SUCLG2: variants seen among roughly 807,000 people sequenced by gnomAD.
SUCLG2 encodes the protein succinate-CoA ligase GDP-forming subunit beta.
Under a neutral mutation model 47.9 loss-of-function variants are expected in SUCLG2, and 42 were observed. The observed-to-expected ratio is 0.88, with a 90% CI of 0.69 to 1.14. SUCLG2 has a LOEUF of 1.14. SUCLG2 is among the 50% of genes most tolerant of loss of function. The pLI is 0.00. For missense variants in SUCLG2, 571 were observed against 525.9 expected (o/e 1.09, Z -0.84); for synonymous variants, 195 against 197.3 (o/e 0.99, Z 0.10).
chr3:67,392,347 T>C (rs975643779), intron 10 of SUCLG2, among the ~76,000 whole-genome samples: 3 of 152,222 alleles, frequency 2.0e-5, no homozygotes, highest in African/African-American at 7.2e-5. Context: ...ATTGAGGGAA[T>C]CCCATGCTGC....
intron 1 of SUCLG2, among the ~76,000 whole-genome samples, chr3:67,627,272 T>C (rs1049276491): frequency 8.5e-5 from 13 of 152,178 alleles, no homozygotes; most frequent in African/African-American, 2.7e-4. Context: ...TTAAATCCCA[T>C]GGAATTAGTT....
chr3:67,650,865 A>G (rs907679889), intron 1 of SUCLG2, among the ~76,000 whole-genome samples: 1 of 152,196 alleles, frequency 6.6e-6, no homozygotes, highest in Non-Finnish European at 1.5e-5. Flanking sequence ...AGAGACAACA[A>G]AACTGTGCTT....
chr3:67,637,003 C>T (rs1182596579), intron 1 of SUCLG2, among the ~76,000 whole-genome samples: 1 of 151,916 alleles, frequency 6.6e-6, no homozygotes, highest in Non-Finnish European at 1.5e-5. Flanking sequence ...CATCAATAAT[C>T]ACTCAGAACA....
chr3:67,616,994 T>C (rs1210712935), intron 1 of SUCLG2, among the ~76,000 whole-genome samples: 1 of 152,218 alleles, frequency 6.6e-6, no homozygotes. Context: ...AGTCAAAAGT[T>C]AGTATGTGTT....
chr3:67,538,978 T>A (rs1706624374), intron 2 of SUCLG2, among the ~76,000 whole-genome samples: 1 of 152,244 alleles, frequency 6.6e-6, no homozygotes, highest in Non-Finnish European at 1.5e-5. Flanking sequence ...TGGGGTTTTC[T>A]AAATATACAA....
At chr3:67,579,665 G>A (rs747089873) in intron 2 of SUCLG2, among the ~76,000 whole-genome samples, 12 of 152,144 alleles carry the variant, frequency 7.9e-5, no homozygotes, top group Non-Finnish European at 1.8e-4. Context: ...GGGCACTAAC[G>A]TCCTTCAGTG....
chr3:67,426,479 A>C (rs747669645), intron 9 of SUCLG2, among the ~76,000 whole-genome samples: 4 of 152,246 alleles, frequency 2.6e-5, no homozygotes, highest in Non-Finnish European at 5.9e-5. Context: ...GCAATATTTA[A>C]GGAAAAGTAT....
At chr3:67,605,346 ATCTC>A (rs1307703038) in intron 2 of SUCLG2, among the ~76,000 whole-genome samples, 19 of 152,308 alleles carry the variant, frequency 1.2e-4, no homozygotes, top group Non-Finnish European at 2.2e-4. Context: ...TCTCCAGGTA[ATCTC>A]AGTGATGTGC....
rs535320948 is a variant in SUCLG2 at position 67,471,248 on chromosome 3, C to T, written c.1062+24550G>A. 5.3e-5 allele frequency among the ~76,000 whole-genome samples: 8 copies of T among 152,202 alleles called. No homozygotes were observed. The South Asian group carries it at 1.2e-3, about 24-fold the overall frequency. ...CCCTGGGAAGTCTGAAGGCTTCAGCCGTGATTATGAGGCTGCCACACAAGG... is the reference window on the plus strand; with the variant it reads ...CCCTGGGAAGTCTGAAGGCTTCAGCTGTGATTATGAGGCTGCCACACAAGG... On this transcript the variant is annotated intron_variant, in intron 9 of 10. Transcript: ENST00000307227.
chr3:67,596,413 G>GA (rs893389361), intron 2 of SUCLG2, among the ~76,000 whole-genome samples: 1 of 152,122 alleles, frequency 6.6e-6, no homozygotes, highest in East Asian at 1.9e-4. Context: ...TTCTGGGTCA[G>GA]AAAAAAACTC....
intron 9 of SUCLG2, among the ~76,000 whole-genome samples, chr3:67,488,868 T>C (rs1705132494): frequency 6.6e-6 from 1 of 152,306 alleles, no homozygotes; most frequent in South Asian, 2.1e-4. Context: ...CACAGAGGAC[T>C]CGTAATCAAT....
chr3:67,458,476 A>G (rs1459686761), intron 9 of SUCLG2, among the ~76,000 whole-genome samples: 2 of 152,180 alleles, frequency 1.3e-5, no homozygotes, highest in East Asian at 1.9e-4. Flanking sequence ...TCCATTTCTC[A>G]TCTGAGGGTG....
chr3:67,463,799 G>T (rs1351965648), intron 9 of SUCLG2, among the ~76,000 whole-genome samples: 1 of 152,166 alleles, frequency 6.6e-6, no homozygotes, highest in African/African-American at 2.4e-5. Context: ...GGGCCGTCTT[G>T]AAATAAAGAG....
intron 2 of SUCLG2, among the ~76,000 whole-genome samples, chr3:67,580,026 AT>A (rs1420907827): frequency 1.1e-4 from 17 of 152,204 alleles, no homozygotes; most frequent in African/African-American, 4.1e-4. Context: ...ATGAGAAACC[AT>A]CAAATTAGAA....
rs759824804 is a variant in SUCLG2, at chr3:67,529,101, A to T, written c.312T>A (p.Val104=). 1 of 1,611,864 alleles carries T rather than the reference A, an allele frequency of 6.2e-7. No homozygotes were observed. Among genetic ancestry groups the T allele is most frequent in the Non-Finnish European group, 8.5e-7 (1 of 1,179,426 alleles). Residue 104 remains valine, a synonymous_variant, in exon 3 of 11, where the codon GTT becomes GTA. Coordinates refer to ENST00000307227, the MANE Select transcript of SUCLG2 (RefSeq NM_003848.4). ...TCCAGACTTACTCTTTTGTTAAATG[A>T]ACACCTCCTTTCAAACCACTATTGA... ...GVFNSGLKGG[V]HLTKDPNVVG...
rs772053872 is a variant in SUCLG2, at chr3:67,542,172, C to A, written c.227-12986G>T. 4.7e-4 allele frequency among the ~76,000 whole-genome samples: 71 copies of A among 152,064 alleles called. 1 individual carries two copies. Among genetic ancestry groups the A allele is most frequent in the Non-Finnish European group, 8.4e-4 (57 of 68,000 alleles). On this transcript the variant is annotated intron_variant, in intron 2 of 10. Coordinates refer to ENST00000307227, the MANE Select transcript of SUCLG2 (RefSeq NM_003848.4). ...TACAGGCGTGAGCCACCATGCCCGG[C>A]CCTCAACATTCTTAAAGAAAAGAAT...
At position 67,400,721 on chromosome 3, in the gene SUCLG2, C is replaced by T; in HGVS notation, c.1183+10G>A. ...GGGTGCTGGCACAGCGGAAATCTAC[C>T]ATGACTCACCTTCAAGCCGGACCAC... is the stretch of plus-strand genomic sequence containing the variant. On this transcript the variant is annotated intron_variant, in intron 10 of 10. Coordinates refer to ENST00000307227, the MANE Select transcript of SUCLG2 (RefSeq NM_003848.4). 6.2e-7 allele frequency: 1 copy of T among 1,610,670 alleles called. No individual in the cohort carries two copies. Among genetic ancestry groups the T allele is most frequent in the East Asian group, 2.2e-5 (1 of 44,818 alleles).
chr3:67,517,994 T>C (rs1194167363), intron 6 of SUCLG2, among the ~76,000 whole-genome samples: 1 of 152,168 alleles, frequency 6.6e-6, no homozygotes, highest in East Asian at 1.9e-4. Flanking sequence ...TTACCATCTA[T>C]CATGAAGTGT....
chr3:67,648,426 A>T lies in SUCLG2; in HGVS notation c.84+6077T>A, dbSNP rs373488604. On this transcript the variant is annotated intron_variant, in intron 1 of 10. Coordinates refer to ENST00000307227, the MANE Select transcript of SUCLG2 (RefSeq NM_003848.4). Reference sequence around the variant, plus strand: ...CAAGGGCAAAAAGATGGGGAAAGGTAAGCAATCAGTTTAACTGCCTAGTTC... The same window carrying T: ...CAAGGGCAAAAAGATGGGGAAAGGTTAGCAATCAGTTTAACTGCCTAGTTC... Among the ~76,000 whole-genome samples the T allele has an allele frequency of 3.3e-5, 5 of 152,342 alleles. No homozygotes were observed. In the East Asian group the frequency reaches 7.7e-4, roughly 24 times the overall value.
Sources: allele counts gnomAD v4.1 joint callset (sites outside exome capture counted in the v4.1 genomes callset), GRCh38; gene constraint gnomAD v4.1.1; transcripts MANE v1.5; gene names NCBI Gene and HGNC (gene_info 2026-07-23, HGNC 2026-07-21).